Variants in SGCZ observed in about 807,000 individuals in gnomAD.
The protein encoded by SGCZ is sarcoglycan zeta.
A neutral mutation model predicts 41.3 loss-of-function variants in SGCZ; 40 were observed. The observed-to-expected ratio is 0.97, with a 90% CI of 0.75 to 1.26. The LOEUF (loss-of-function observed/expected upper bound fraction) is 1.26, where lower values mean the gene tolerates loss of function less well. SGCZ is among the 50% of genes most tolerant of loss of function. The pLI is 0.00. For synonymous variants in SGCZ, 206 were observed against 137.5 expected, an observed-to-expected ratio of 1.50 and a Z score of -3.49; for missense variants, 552 against 369.8, an observed-to-expected ratio of 1.49 and a Z score of -4.04.
chr8:14,240,465 C>A (rs1308121720), intron 3 of SGCZ, among the ~76,000 whole-genome samples: 3 of 151,936 alleles, frequency 2.0e-5, no homozygotes, highest in African/African-American at 7.3e-5. Flanking sequence ...TAGCACTCTT[C>A]CCTTCTTTTC....
At chr8:14,982,365 A>C (rs969770654) in intron 1 of SGCZ, among the ~76,000 whole-genome samples, 10 of 152,172 alleles carry the variant, frequency 6.6e-5, no homozygotes, top group African/African-American at 2.4e-4. Context: ...TCGTTGTGTG[A>C]TATACACAAA....
chr8:14,423,172 G>A (rs1042003531), intron 2 of SGCZ, among the ~76,000 whole-genome samples: 9 of 151,904 alleles, frequency 5.9e-5, no homozygotes, highest in Non-Finnish European at 8.8e-5. Flanking sequence ...TGGGGTGGGC[G>A]GAGGGGGGAG....
chr8:14,369,416 T>C (rs948737819), intron 2 of SGCZ, among the ~76,000 whole-genome samples: 5 of 151,992 alleles, frequency 3.3e-5, no homozygotes, highest in African/African-American at 1.2e-4. Context: ...TTGGTCTTTA[T>C]CAGGAATGCC....
intron 1 of SGCZ, among the ~76,000 whole-genome samples, chr8:15,085,384 C>G (rs1805910900): frequency 6.6e-6 from 1 of 152,260 alleles, no homozygotes; most frequent in African/African-American, 2.4e-5. Context: ...CTTAGACACA[C>G]GTGCTGAAAT....
intron 1 of SGCZ, among the ~76,000 whole-genome samples, chr8:14,827,231 C>A (rs1442076372): frequency 1.4e-5 from 2 of 139,064 alleles, no homozygotes; most frequent in African/African-American, 2.7e-5. Flanking sequence ...ATTTTCTTTT[C>A]TTTTCTTTTT....
At chr8:14,651,172 A>G (rs535452321) in intron 1 of SGCZ, among the ~76,000 whole-genome samples, 1 of 152,228 alleles carries the variant, frequency 6.6e-6, no homozygotes, top group African/African-American at 2.4e-5. Flanking sequence ...TTACATTTAA[A>G]TATACACTAT....
chr8:15,035,479 T>A lies in SGCZ; in HGVS notation c.39+202106A>T, dbSNP rs922558854. Among the ~76,000 whole-genome samples the A allele has an allele frequency of 4.6e-5, 7 of 152,144 alleles. No individual in the cohort carries two copies. The East Asian group carries it at 1.4e-3, about 29-fold the overall frequency. On this transcript the variant is annotated intron_variant, in intron 1 of 7. Transcript: ENST00000382080. ...CAACCAGAATACAATTAACAAAATA[T>A]CAGTTGTAAATCGTTACCTATAAAT...
At chr8:14,364,215 G>C (rs1005795185) in intron 2 of SGCZ, among the ~76,000 whole-genome samples, 1 of 100,652 alleles carries the variant, frequency 9.9e-6, no homozygotes, top group African/African-American at 2.8e-5. Flanking sequence ...TTAACTTAGA[G>C]CTTTTAATGT....
At chr8:14,887,173 G>C (rs562681069) in intron 1 of SGCZ, among the ~76,000 whole-genome samples, 19 of 152,214 alleles carry the variant, frequency 1.2e-4, no homozygotes, top group African/African-American at 3.9e-4. Context: ...GGATTCAAAG[G>C]AGAAGTCTTC....
intron 2 of SGCZ, among the ~76,000 whole-genome samples, chr8:14,506,239 C>T (rs1802301878): frequency 6.6e-6 from 1 of 152,034 alleles, no homozygotes; most frequent in African/African-American, 2.4e-5. Flanking sequence ...AAACTCCCAC[C>T]ACATCCACCA....
At chr8:14,255,069 T>G (rs921831565) in intron 3 of SGCZ, among the ~76,000 whole-genome samples, 2 of 152,144 alleles carry the variant, frequency 1.3e-5, no homozygotes, top group African/African-American at 4.8e-5. Context: ...TGTATCTCAG[T>G]ATTAGTTCCA....
chr8:14,909,433 C>A (rs1799217124), intron 1 of SGCZ, among the ~76,000 whole-genome samples: 1 of 151,994 alleles, frequency 6.6e-6, no homozygotes, highest in African/African-American at 2.4e-5. Context: ...GAATAGAATT[C>A]TGCCTTTTTA....
intron 1 of SGCZ, among the ~76,000 whole-genome samples, chr8:15,097,840 GTGTA>G (rs765206087): frequency 0.4 from 11,704 of 29,260 alleles, 944 homozygotes; most frequent in Middle Eastern, 0.53. Flanking sequence ...ATATACGTGT[GTGTA>G]TATATATATA....
chr8:14,603,865 A>C (rs569312222), intron 1 of SGCZ, among the ~76,000 whole-genome samples: 1 of 152,276 alleles, frequency 6.6e-6, no homozygotes, highest in African/African-American at 2.4e-5. Context: ...AGTTGACTAC[A>C]TTGCTAAGTA....
At chr8:14,779,090 C>G (rs911767544) in intron 1 of SGCZ, among the ~76,000 whole-genome samples, 1 of 152,180 alleles carries the variant, frequency 6.6e-6, no homozygotes. Flanking sequence ...TTCAAGAGAA[C>G]TGTAATATTC....
intron 2 of SGCZ, among the ~76,000 whole-genome samples, chr8:14,508,656 T>G (rs1287357287): frequency 6.6e-6 from 1 of 152,158 alleles, no homozygotes; most frequent in Non-Finnish European, 1.5e-5. Flanking sequence ...AAAATCTGTT[T>G]GAGAAGCACG....
chr8:14,672,974 G>A (rs1011133306), intron 1 of SGCZ, among the ~76,000 whole-genome samples: 1 of 152,190 alleles, frequency 6.6e-6, no homozygotes, highest in African/African-American at 2.4e-5. Flanking sequence ...AAAGAAAGCA[G>A]TGTTGCTGTG....
At chr8:15,156,565 A>C (rs1799335397) in intron 1 of SGCZ, among the ~76,000 whole-genome samples, 2 of 152,188 alleles carry the variant, frequency 1.3e-5, no homozygotes, top group African/African-American at 4.8e-5. Flanking sequence ...GAAATGACAA[A>C]ACCATTCTTC....
At chr8:14,156,027 G>C (rs912198694) in intron 5 of SGCZ, among the ~76,000 whole-genome samples, 1 of 152,008 alleles carries the variant, frequency 6.6e-6, no homozygotes, top group African/African-American at 2.4e-5. Context: ...ACCCCTATAG[G>C]GCACTTCTAG....
Sources: allele counts gnomAD v4.1 joint callset (sites outside exome capture counted in the v4.1 genomes callset), GRCh38; gene constraint gnomAD v4.1.1; transcripts MANE v1.5; gene names NCBI Gene and HGNC (gene_info 2026-07-23, HGNC 2026-07-21).